The following LRFN2 variants were observed in gnomAD, a reference collection of about 807,000 sequenced individuals.
The protein encoded by LRFN2 is leucine rich repeat and fibronectin type III domain containing 2.
LRFN2 carries 18 observed loss-of-function variants against 37.3 expected under a neutral mutation model. The observed-to-expected ratio is 0.48, with a 90% CI of 0.33 to 0.72. LRFN2 has a LOEUF of 0.72. Among genes scored for constraint, LRFN2 ranks in the 30% least tolerant of loss-of-function variants. The pLI is 0.02. For missense variants in LRFN2, 1,006 were observed against 1,060.7 expected, an observed-to-expected ratio of 0.95 and a Z score of 0.72; for synonymous variants, 556 against 466.6, an observed-to-expected ratio of 1.19 and a Z score of -2.47.
At chr6:40,569,252 T>TG (rs897092137) in intron 1 of LRFN2, among the ~76,000 whole-genome samples, 104 of 152,296 alleles carry the variant, frequency 6.8e-4, no homozygotes, top group African/African-American at 2.5e-3. Context: ...CCCTGGAGGA[T>TG]GGGAGCCTAT....
At chr6:40,586,198 G>A (rs1478592061) in intron 1 of LRFN2, among the ~76,000 whole-genome samples, 1 of 152,184 alleles carries the variant, frequency 6.6e-6, no homozygotes, top group Non-Finnish European at 1.5e-5. Flanking sequence ...GTCCACCTCG[G>A]AACGGTCTAC....
Position 40,493,837 on chromosome 6 carries a change from A to G in LRFN2, c.-18-60706T>C, listed in dbSNP as rs534007345. ...CCAGGCTCTAGAACCCCAGTCAGGG[A>G]CCAGTCTCAGGTTACAATTGATCTC... On this transcript the variant is annotated intron_variant, in intron 1 of 2. Coordinates refer to ENST00000338305, the MANE Select transcript of LRFN2 (RefSeq NM_020737.3). 3.0e-4 allele frequency among the ~76,000 whole-genome samples: 45 copies of G among 152,302 alleles called. 1 individual carries two copies. In the South Asian group the frequency reaches 9.1e-3, roughly 31 times the overall value.
At chr6:40,422,544 G>T (rs1458544599) in intron 2 of LRFN2, among the ~76,000 whole-genome samples, 2 of 152,194 alleles carry the variant, frequency 1.3e-5, no homozygotes, top group Non-Finnish European at 2.9e-5. Flanking sequence ...CAGAATGCCT[G>T]AGTTCCATAC....
intron 1 of LRFN2, among the ~76,000 whole-genome samples, chr6:40,442,713 C>G (rs1340509902): frequency 6.6e-6 from 1 of 152,164 alleles, no homozygotes; most frequent in Non-Finnish European, 1.5e-5. Flanking sequence ...AGGATAAGCC[C>G]AAATTTCTGC....
intron 1 of LRFN2, among the ~76,000 whole-genome samples, chr6:40,567,343 G>A (rs1767108581): frequency 6.6e-6 from 1 of 152,188 alleles, no homozygotes; most frequent in South Asian, 2.1e-4. Context: ...GGCGGACACA[G>A]CCTGCTTCCA....
intron 1 of LRFN2, among the ~76,000 whole-genome samples, chr6:40,460,202 C>T (rs1764318822): frequency 6.6e-6 from 1 of 152,146 alleles, no homozygotes; most frequent in African/African-American, 2.4e-5. Flanking sequence ...AGTTAGTCAA[C>T]CGAGACAGTG....
intron 2 of LRFN2, among the ~76,000 whole-genome samples, chr6:40,396,769 G>A (rs1195738423): frequency 4.0e-5 from 6 of 150,304 alleles, no homozygotes; most frequent in Admixed American, 1.3e-4. Flanking sequence ...TGTGTTGGCG[G>A]TAGGAGGAGT....
intron 1 of LRFN2, chr6:40,501,747 C>T (rs1322924142): frequency 1.3e-5 from 2 of 152,194 alleles, no homozygotes; most frequent in Non-Finnish European, 2.9e-5. Flanking sequence ...CTTCAATACA[C>T]TGGCTTGGAT....
intron 1 of LRFN2, among the ~76,000 whole-genome samples, chr6:40,584,387 C>T (rs989616147): frequency 1.2e-4 from 19 of 152,216 alleles, no homozygotes; most frequent in Non-Finnish European, 2.4e-4. Flanking sequence ...AATTTGAACC[C>T]AGGCCACCCA....
intron 1 of LRFN2, among the ~76,000 whole-genome samples, chr6:40,447,749 C>T (rs749697929): frequency 1.3e-4 from 20 of 152,166 alleles, no homozygotes; most frequent in Non-Finnish European, 2.6e-4. Flanking sequence ...TAAGGTGAGG[C>T]CCATCAAGGT....
intron 1 of LRFN2, among the ~76,000 whole-genome samples, chr6:40,499,441 C>T (rs191873986): frequency 2.6e-5 from 4 of 152,042 alleles, no homozygotes; most frequent in Admixed American, 6.5e-5. Flanking sequence ...GTGCTTTGGG[C>T]GGAAAGCTGA....
chr6:40,558,215 C>A (rs1057382288), intron 1 of LRFN2, among the ~76,000 whole-genome samples: 10 of 152,178 alleles, frequency 6.6e-5, no homozygotes, highest in African/African-American at 2.4e-4. Flanking sequence ...CCTACTTGTT[C>A]GACTGATTAA....
At chr6:40,500,668 A>T (rs1765357717) in intron 1 of LRFN2, among the ~76,000 whole-genome samples, 1 of 152,230 alleles carries the variant, frequency 6.6e-6, no homozygotes, top group Non-Finnish European at 1.5e-5. Context: ...TTGGGTGAGT[A>T]AACCAGAGTA....
At chr6:40,431,596 C>T in intron 2 of LRFN2, 118 bp downstream of exon 2, 1 of 803,962 alleles carries the variant, frequency 1.2e-6, no homozygotes, top group Non-Finnish European at 1.8e-6. Flanking sequence ...GCCCCAGAAT[C>T]CCCACAGACA....
intron 2 of LRFN2, among the ~76,000 whole-genome samples, chr6:40,396,000 C>T (rs1340877463): frequency 6.6e-6 from 1 of 152,088 alleles, no homozygotes; most frequent in African/African-American, 2.4e-5. Context: ...TACCACGAGC[C>T]CAGAAATCTT....
chr6:40,577,108 C>CTTCTCTTCTCTTCTCTTCTCTTCTCCTCT (rs1554145947), intron 1 of LRFN2, among the ~76,000 whole-genome samples: 1,795 of 104,566 alleles, frequency 0.017, 217 homozygotes, highest in Middle Eastern at 0.054. Flanking sequence ...CTTTTCCTTT[C>CTTCTCTTCTCTTCTCTTCTCTTCTCCTCT]TTTTCTTTTT....
At position 40,575,083 on chromosome 6, in the gene LRFN2, G is replaced by A. The variant is rs1293374530; in HGVS notation, c.-19+11858C>T. On this transcript the variant is annotated intron_variant, in intron 1 of 2. Transcript: ENST00000338305. ...GAGGATGTGAGGATCTGGAGAGGAA[G>A]GACTCCTCAGGATGGTCTACACAAG... Among the ~76,000 whole-genome samples the A allele has an allele frequency of 3.3e-5, 5 of 152,242 alleles. No homozygotes were observed. In the East Asian group the frequency reaches 9.7e-4, roughly 29 times the overall value.
chr6:40,476,664 C>T (rs1201425992), intron 1 of LRFN2, among the ~76,000 whole-genome samples: 1 of 152,270 alleles, frequency 6.6e-6, no homozygotes, highest in African/African-American at 2.4e-5. Flanking sequence ...CAGAGTTAAT[C>T]TCTCCACTTG....
chr6:40,391,803 G>A lies in LRFN2; in HGVS notation c.*140C>T. Reference sequence around the variant, plus strand: ...TGATGTGGGTGTTGCGGGGTAGGGGGGGACACGAGGCCATTGACAGGGAGA... The same window carrying A: ...TGATGTGGGTGTTGCGGGGTAGGGGAGGACACGAGGCCATTGACAGGGAGA... On this transcript the variant is annotated 3_prime_UTR_variant, in exon 3 of 3. Transcript: ENST00000338305. 1 of 828,754 alleles carries A rather than the reference G, an allele frequency of 1.2e-6. No homozygotes were observed. 51.3% of individuals were successfully genotyped at this position (828,754 alleles called of 1,614,324 possible).
Sources: gnomAD v4.1 joint callset for allele counts (sites outside exome capture counted in the v4.1 genomes callset) on GRCh38, gnomAD v4.1.1 for gene constraint, MANE v1.5 for transcripts, NCBI Gene and HGNC (gene_info 2026-07-23, HGNC 2026-07-21) for gene names.